Variants in TRPA1 observed in about 807,000 individuals in gnomAD.
TRPA1 encodes the protein transient receptor potential cation channel subfamily A member 1.
TRPA1 carries 129 observed loss-of-function variants against 131.3 expected under a neutral mutation model. That is an observed-to-expected ratio of 0.98 (90% CI 0.85 to 1.14). The LOEUF (loss-of-function observed/expected upper bound fraction) is 1.14, where lower values mean the gene tolerates loss of function less well. Among genes scored for constraint, TRPA1 ranks in the 50% most tolerant of loss-of-function variants. The pLI is 0.00. For synonymous variants in TRPA1, 441 were observed against 451.7 expected (o/e 0.98, Z 0.30); for missense variants, 1,304 against 1,354.2 (o/e 0.96, Z 0.58).
chr8:72,070,725 C>T (rs1193060259), intron 2 of TRPA1, among the ~76,000 whole-genome samples: 1 of 152,172 alleles, frequency 6.6e-6, no homozygotes, highest in Non-Finnish European at 1.5e-5. Flanking sequence ...TCTTAGCTAC[C>T]TTTGCTAGCA....
At position 72,055,709 on chromosome 8, in the gene TRPA1, T is replaced by C; in HGVS notation, c.1341A>G (p.Lys447=). 2 of 1,613,612 alleles carry C rather than the reference T, an allele frequency of 1.2e-6. No homozygotes were observed. Among genetic ancestry groups the C allele is most frequent in the Non-Finnish European group, 1.7e-6 (2 of 1,179,704 alleles). The change falls in exon 11 of 27, where the codon AAA becomes AAG. Residue 447 remains lysine (K), a synonymous_variant. Coordinates refer to ENST00000262209, the MANE Select transcript of TRPA1 (RefSeq NM_007332.3). The part of the protein sequence containing the change: ...VSIHSKSKDK[K]SPLHFAASYG... ...ACCTGGCTGCAAAATGCAGAGGTGATTTCTTATCTTTGCTTTTGGAATGAA... is the reference window on the plus strand; with the variant it reads ...ACCTGGCTGCAAAATGCAGAGGTGACTTCTTATCTTTGCTTTTGGAATGAA...
rs1214123298 is a variant in TRPA1, at chr8:72,052,408, C to T, written c.1811+191G>A. On this transcript the variant is annotated intron_variant, in intron 14 of 26. Coordinates refer to ENST00000262209, the MANE Select transcript of TRPA1 (RefSeq NM_007332.3). ...CTGCACTCCAGCCTGTGCGACAGAG[C>T]TAGACCTTTTCTAAAAATAAATAAA... The T allele has an allele frequency of 9.1e-6, 5 of 552,150 alleles. No homozygotes were observed. The African/African-American group carries it at 9.8e-5, about 11-fold the overall frequency. The allele number at this position is 552,150 out of a possible 1,614,324, so 34.2% of individuals were successfully genotyped here.
At chr8:72,024,603 C>CT (rs1811516620) in intron 25 of TRPA1, among the ~76,000 whole-genome samples, 1 of 152,094 alleles carries the variant, frequency 6.6e-6, no homozygotes, top group Admixed American at 6.5e-5. Context: ...GGAACCAGGA[C>CT]TTTTTCATTT....
At chr8:72,066,886 A>T (rs983393715) in intron 3 of TRPA1, among the ~76,000 whole-genome samples, 1 of 152,150 alleles carries the variant, frequency 6.6e-6, no homozygotes, top group Non-Finnish European at 1.5e-5. Context: ...GCAAGTCTGG[A>T]AGGTTTGGAG....
rs982819801 is a variant in TRPA1 at position 72,022,779 on chromosome 8, G to T, written c.*127C>A. On this transcript the variant is annotated 3_prime_UTR_variant, in exon 27 of 27. Coordinates refer to ENST00000262209, the MANE Select transcript of TRPA1 (RefSeq NM_007332.3). ...AAGATGGTTTACTTTTATACAGCAT[G>T]CAGGAACCATGATTTCACACGCAGC... is the stretch of plus-strand genomic sequence containing the variant. The T allele has an allele frequency of 1.2e-5, 10 of 868,070 alleles. No homozygotes were observed. The highest frequency in any genetic ancestry group is 4.6e-4 in the Middle Eastern group (2 of 4,352). The allele number at this position is 868,070 out of a possible 1,614,324, so 53.8% of individuals were successfully genotyped here. A position where few individuals can be genotyped will look rare whatever the true frequency, so the allele number is the denominator to read the frequency against.
At chr8:72,023,750 C>T (rs1811481339) in intron 26 of TRPA1, 64 bp downstream of exon 26, 10 of 947,734 alleles carry the variant, frequency 1.1e-5, no homozygotes, top group East Asian at 2.4e-5. Flanking sequence ...TATAATCTTA[C>T]ATTGTGCATT....
rs146239888 is a variant in TRPA1 at position 72,038,963 on chromosome 8, T to C, written c.2197A>G (p.Met733Val). 9.9e-6 allele frequency: 16 copies of C among 1,612,972 alleles called. No homozygotes were observed. The Middle Eastern group carries it at 8.2e-4, about 83-fold the overall frequency. The change falls in exon 19 of 27, where the codon ATG becomes GTG. Residue 733 changes from methionine to valine, a missense_variant. By Grantham distance (21) the Met-to-Val change is conservative. Coordinates refer to ENST00000262209, the MANE Select transcript of TRPA1 (RefSeq NM_007332.3). ...LGSYCLGLIP[M>V]TILVVNIKPG... The stretch of plus-strand genomic sequence containing the variant: ...TTTATATTGACAACGAGAATGGTCA[T>C]AGGTATGAGACCAAGACAGTAAGAT...
At chr8:72,062,672 A>C in intron 6 of TRPA1, 127 bp downstream of exon 6, 1 of 996,006 alleles carries the variant, frequency 1.0e-6, no homozygotes, top group Non-Finnish European at 1.5e-6. Context: ...GCTTCTGCAG[A>C]AGCAGAAGGA....
In TRPA1 at chr8:72,057,586, C is replaced by T. The variant is rs1805700651; in HGVS notation, c.1093+131G>A. 3 of 765,282 alleles carry T rather than the reference C, an allele frequency of 3.9e-6. No individual in the cohort carries two copies. The South Asian group carries it at 4.4e-5, about 11-fold the overall frequency. The allele number at this position is 765,282 out of a possible 1,614,324, so 47.4% of individuals were successfully genotyped here. A position where few individuals can be genotyped will look rare whatever the true frequency, so the allele number is the denominator to read the frequency against. On this transcript the variant is annotated intron_variant, in intron 9 of 26. Transcript: ENST00000262209. ...ACTGTTCTGTTTATTTTTAAATTCA[C>T]AACACCTGGCCCAGGGCCTGGCACA... is the stretch of plus-strand genomic sequence containing the variant.
At chr8:72,025,899 CAATGAAT>C in intron 25 of TRPA1, 54 bp downstream of exon 25, 1 of 1,434,436 alleles carries the variant, frequency 7.0e-7, no homozygotes, top group Non-Finnish European at 9.8e-7. Context: ...AGGGTTAACA[CAATGAAT>C]GAATGTCAAA....
intron 16 of TRPA1, 93 bp downstream of exon 16, chr8:72,047,055 G>C (rs1415423577): frequency 2.1e-6 from 2 of 955,082 alleles, no homozygotes. Flanking sequence ...ACCATCTGCA[G>C]TAGATTACAG....
rs1435217318 is a variant in TRPA1, at chr8:72,021,560, A to T, written c.*1346T>A. 2 of 152,190 alleles carry T rather than the reference A, an allele frequency of 1.3e-5. No homozygotes were observed. The highest frequency in any genetic ancestry group is 6.5e-5 in the Admixed American group (1 of 15,270). The allele number at this position is 152,190 out of a possible 1,614,324, so 9.4% of individuals were successfully genotyped here. Reference sequence around the variant, plus strand: ...TGTGATCTGTTGGACCATGAATGTAAAAGTGTCTGGTTTTGTAATAGTACA... The same window carrying T: ...TGTGATCTGTTGGACCATGAATGTATAAGTGTCTGGTTTTGTAATAGTACA... On this transcript the variant is annotated 3_prime_UTR_variant, in exon 27 of 27. Transcript: ENST00000262209.
chr8:72,055,899 G>A (rs769822001), intron 10 of TRPA1, 44 bp from the exon 11 acceptor site: 16 of 1,594,552 alleles, frequency 1.0e-5, no homozygotes, highest in Non-Finnish European at 1.4e-5. Flanking sequence ...CTGCTATTAT[G>A]CTAATATGAT....
intron 15 of TRPA1, among the ~76,000 whole-genome samples, chr8:72,048,689 C>T (rs771387809): frequency 1.1e-4 from 16 of 151,956 alleles, no homozygotes; most frequent in African/African-American, 2.9e-4. Flanking sequence ...GCATTATGTC[C>T]GGCTAAATTA....
intron 3 of TRPA1, among the ~76,000 whole-genome samples, chr8:72,065,831 TATC>T (rs1042834990): frequency 2.0e-5 from 3 of 152,190 alleles, no homozygotes; most frequent in Non-Finnish European, 4.4e-5. Flanking sequence ...AGATACTAGT[TATC>T]ATAGCTTCAC....
Position 72,023,859 on chromosome 8 carries a change from T to C in TRPA1, c.3104A>G (p.Asn1035Ser). The C allele has an allele frequency of 1.3e-6, 2 of 1,596,218 alleles. No homozygotes were observed. Among genetic ancestry groups the C allele is most frequent in the South Asian group, 1.1e-5 (1 of 90,608 alleles). Residue 1035 changes from asparagine (N) to serine (S), a missense_variant, in exon 26 of 27, where the codon AAT (asparagine) becomes AGT (serine). By Grantham distance (46) the Asn-to-Ser change is conservative. Transcript: ENST00000262209. ...CTGEIRQEIP[N>S]ADKSLEMEIL... ...TTCCATTTCTAAAGATTTATCAGCA[T>C]TTGGTATTTCTTGTCTTATTTCCCC...
chr8:72,085,368 A>T, the TRPA1 span, among the ~76,000 whole-genome samples: 1 of 152,238 alleles, frequency 6.6e-6, no homozygotes, highest in Middle Eastern at 3.4e-3. Context: ...ATTCCACCAC[A>T]GTTGTGGAAT....
rs1315353033 is a variant in TRPA1 at position 72,029,881 on chromosome 8, T to A, written c.2937+20A>T. On this transcript the variant is annotated intron_variant, in intron 24 of 26. Transcript: ENST00000262209. ...TACCAGAAGATAACACTGTAATAAGTGGGGAGGCACTGCACTTACCTGCAT... is the reference window on the plus strand; with the variant it reads ...TACCAGAAGATAACACTGTAATAAGAGGGGAGGCACTGCACTTACCTGCAT... 5 of 1,611,788 alleles carry A rather than the reference T, an allele frequency of 3.1e-6. No individual in the cohort carries two copies. In the East Asian group the frequency reaches 6.7e-5, roughly 22 times the overall value.
At chr8:72,024,473 A>G (rs1220465972) in intron 25 of TRPA1, among the ~76,000 whole-genome samples, 2 of 152,162 alleles carry the variant, frequency 1.3e-5, no homozygotes, top group East Asian at 3.9e-4. Context: ...TGCACAGGCC[A>G]TCCAGGAAGT....
Sources: allele counts gnomAD v4.1 joint callset (sites outside exome capture counted in the v4.1 genomes callset), GRCh38; gene constraint gnomAD v4.1.1; transcripts MANE v1.5; gene names NCBI Gene and HGNC (gene_info 2026-07-23, HGNC 2026-07-21).